TTC7A: variants seen among roughly 807,000 people sequenced by gnomAD.
TTC7A encodes tetratricopeptide repeat protein 7A.
TTC7A carries 110 observed loss-of-function variants against 103.7 expected under a neutral mutation model. That is an observed-to-expected ratio of 1.06 (90% CI 0.91 to 1.24). The LOEUF is 1.24. Ranked by LOEUF, TTC7A falls within the 50% of genes most tolerant of loss-of-function variation. The pLI, the probability that TTC7A is intolerant of heterozygous loss-of-function variation, is 0.00. For synonymous variants in TTC7A, 521 were observed against 467.9 expected (o/e 1.11, Z -1.47); for missense variants, 1,340 against 1,116.3 (o/e 1.20, Z -2.86).
intron 5 of TTC7A, among the ~76,000 whole-genome samples, chr2:46,991,806 C>G (rs1056786936): frequency 6.6e-5 from 10 of 152,150 alleles, no homozygotes; most frequent in Non-Finnish European, 1.3e-4. Context: ...CTGAGGTTCC[C>G]TGTCCTGCTT....
chr2:47,019,675 A>G (rs925208627), intron 11 of TTC7A, among the ~76,000 whole-genome samples: 4 of 152,192 alleles, frequency 2.6e-5, no homozygotes, highest in African/African-American at 9.7e-5. Flanking sequence ...CTTTGCCAGT[A>G]TCTGCTGAGC....
chr2:47,056,929 T>A (rs947075775), intron 18 of TTC7A, among the ~76,000 whole-genome samples: 1 of 152,052 alleles, frequency 6.6e-6, no homozygotes, highest in Non-Finnish European at 1.5e-5. Flanking sequence ...TCCAGCCCCG[T>A]GTGCTGGATG....
intron 6 of TTC7A, 25 bp from the exon 7 acceptor site, chr2:46,994,332 G>T: frequency 1.2e-6 from 2 of 1,604,170 alleles, no homozygotes; most frequent in Non-Finnish European, 1.7e-6. Context: ...CTGTGCCTGG[G>T]TCCGAGTGCT....
upstream of TTC7A, among the ~76,000 whole-genome samples, chr2:46,940,627 T>C (rs1670248124): frequency 6.6e-6 from 1 of 152,198 alleles, no homozygotes; most frequent in Non-Finnish European, 1.5e-5. This position sits in a 1 kb window ranked among gnomAD's most constrained non-coding sequence, Gnocchi z 4.7. Context: ...GCAACAGAGA[T>C]TCCACAGAGG....
intron 8 of TTC7A, among the ~76,000 whole-genome samples, chr2:47,003,494 C>T (rs1467357471): frequency 6.6e-6 from 1 of 152,158 alleles, no homozygotes; most frequent in African/African-American, 2.4e-5. Flanking sequence ...GAGAGAAGCC[C>T]GCCAGTTAGG....
In TTC7A at chr2:47,011,357, G is replaced by C; in HGVS notation, c.1314G>C (p.Arg438=). 3 of 1,613,412 alleles carry C rather than the reference G, an allele frequency of 1.9e-6. No individual in the cohort carries two copies. The highest frequency in any genetic ancestry group is 1.1e-5 in the South Asian group (1 of 91,000). The part of the protein sequence containing the change: ...GKSAYAVSLL[R]ECVKLRPSDP... The stretch of plus-strand genomic sequence containing the variant: ...CAGCCTACGCTGTGTCCCTGCTGCG[G>C]GAGTGTGTGAAGTTGCGGCCCTCGG... Residue 438 remains arginine (R), a synonymous_variant, in exon 11 of 20, where the codon CGG becomes CGC. Coordinates refer to ENST00000319190, the MANE Select transcript of TTC7A (RefSeq NM_020458.4).
intron 5 of TTC7A, among the ~76,000 whole-genome samples, chr2:46,984,364 G>C (rs1273627855): frequency 6.6e-6 from 1 of 152,250 alleles, no homozygotes; most frequent in African/African-American, 2.4e-5. Flanking sequence ...AGGCCCTGGG[G>C]TTGGAGGCCA....
intron 2 of TTC7A, among the ~76,000 whole-genome samples, chr2:46,927,295 TTAAAA>T (rs1285695404): frequency 2.0e-5 from 3 of 150,900 alleles, no homozygotes; most frequent in African/African-American, 7.3e-5. Context: ...GCTAAGCACA[TTAAAA>T]TAAGTCTGTA....
At chr2:47,004,571 T>C (rs1165915783) in intron 8 of TTC7A, among the ~76,000 whole-genome samples, 1 of 151,946 alleles carries the variant, frequency 6.6e-6, no homozygotes, top group African/African-American at 2.4e-5. Flanking sequence ...TGAGGTCCTG[T>C]GTATGGAAGC....
chr2:46,919,517 G>C (rs1414535944), intron 2 of TTC7A, among the ~76,000 whole-genome samples: 1 of 152,244 alleles, frequency 6.6e-6, no homozygotes, highest in East Asian at 1.9e-4. Flanking sequence ...TGGGCAGCAA[G>C]AGCTAAACTC....
At chr2:46,923,899 A>G (rs1463776225) in intron 2 of TTC7A, among the ~76,000 whole-genome samples, 1 of 151,718 alleles carries the variant, frequency 6.6e-6, no homozygotes, top group Non-Finnish European at 1.5e-5. Context: ...CGCCCAGCTA[A>G]TTTTCTTTGT....
At chr2:46,974,809 C>A in intron 3 of TTC7A, 164 bp from the exon 4 acceptor site, 1 of 918,956 alleles carries the variant, frequency 1.1e-6, no homozygotes, top group Non-Finnish European at 1.7e-6. Flanking sequence ...CTGCTAACAC[C>A]ACCGTCGCTT....
chr2:46,944,098 A>T (rs73926986), intron 1 of TTC7A, among the ~76,000 whole-genome samples: 8,057 of 152,222 alleles, frequency 0.053, 236 homozygotes, highest in African/African-American at 0.075. Context: ...GGTCTAGATT[A>T]GGTCAGGATG....
intron 2 of TTC7A, among the ~76,000 whole-genome samples, chr2:46,952,777 T>C (rs1049047145): frequency 6.6e-6 from 1 of 152,152 alleles, no homozygotes; most frequent in Non-Finnish European, 1.5e-5. Flanking sequence ...GTTCTTGTTT[T>C]CCAACCTCAC....
rs948534045 is a variant in TTC7A at position 47,051,745 on chromosome 2, G to C, written c.2018-1G>C. ...TCGGCTCGTGCCCTCTTGCTCTGCA[G>C]GCTCCCGGCGGGCTTCGTCCATCGC... On this transcript the variant is annotated splice_acceptor_variant, in intron 17 of 19. Transcript: ENST00000319190. LOFTEE classifies it high-confidence loss of function. 9.3e-6 allele frequency: 15 copies of C among 1,608,894 alleles called. No individual in the cohort carries two copies. Among genetic ancestry groups the C allele is most frequent in the African/African-American group, 5.3e-5 (4 of 74,846 alleles).
chr2:47,047,398 AC>A, intron 16 of TTC7A: 2 of 1,128,976 alleles, frequency 1.8e-6, no homozygotes, highest in Non-Finnish European at 2.6e-6. Flanking sequence ...GGCCTGGGAG[AC>A]CAGGGCAGAG....
intron 15 of TTC7A, chr2:47,035,424 G>C (rs760536929): frequency 6.6e-6 from 1 of 152,210 alleles, no homozygotes; most frequent in Non-Finnish European, 1.5e-5. Context: ...TGGCAGCGCC[G>C]GATCCTTCCC....
intron 18 of TTC7A, among the ~76,000 whole-genome samples, chr2:47,052,889 G>A (rs77534302): frequency 2.5e-4 from 38 of 152,258 alleles, no homozygotes; most frequent in Middle Eastern, 3.4e-3. Context: ...TTGTCCCCAG[G>A]GGGGGAGTTG....
At position 47,076,030 on chromosome 2, in the gene TTC7A, G is replaced by A. The variant is rs1685181537; in HGVS notation, c.*2107G>A. 2 of 152,260 alleles carry A rather than the reference G, an allele frequency of 1.3e-5. No individual in the cohort carries two copies. The highest frequency in any genetic ancestry group is 4.8e-5 in the African/African-American group (2 of 41,416). The allele number at this position is 152,260 out of a possible 1,614,324, so 9.4% of individuals were successfully genotyped here. On this transcript the variant is annotated 3_prime_UTR_variant, in exon 20 of 20. Transcript: ENST00000319190. ...GGCCTTGTTCAGATTGGCCACCTCT[G>A]CTGAGAAGTCCATACCAGTACACCC...
Sources: gnomAD v4.1 joint callset for allele counts (sites outside exome capture counted in the v4.1 genomes callset) on GRCh38, gnomAD v4.1.1 for gene constraint, Gnocchi (gnomAD v3.1) non-coding constraint, MANE v1.5 for transcripts, NCBI Gene and HGNC (gene_info 2026-07-23, HGNC 2026-07-21) for gene names.